ATP2C2: variants seen among roughly 807,000 people sequenced by gnomAD.
ATP2C2 encodes calcium-transporting ATPase type 2C member 2.
Under a neutral mutation model 110.8 loss-of-function variants are expected in ATP2C2, and 171 were observed. That is an observed-to-expected ratio of 1.54 (90% CI 1.36 to 1.75). The LOEUF is 1.75. ATP2C2 is among the 40% of genes most tolerant of loss of function. The pLI is 0.00. For synonymous variants in ATP2C2, 804 were observed against 508.4 expected (o/e 1.58, Z -7.82); for missense variants, 1,963 against 1,235.0 (o/e 1.59, Z -8.84).
At chr16:84,450,616 T>C (rs1488920161) in intron 17 of ATP2C2, among the ~76,000 whole-genome samples, 3 of 152,084 alleles carry the variant, frequency 2.0e-5, no homozygotes, top group African/African-American at 4.8e-5. Flanking sequence ...GCCAGCGTCA[T>C]TGGCGCAGTG....
chr16:84,411,594 A>G (rs984914163), intron 6 of ATP2C2, among the ~76,000 whole-genome samples: 3 of 152,000 alleles, frequency 2.0e-5, no homozygotes, highest in Admixed American at 1.3e-4. Flanking sequence ...GGCATGCACC[A>G]CTACACCTGG....
intron 1 of ATP2C2, among the ~76,000 whole-genome samples, chr16:84,387,247 T>C (rs1434995539): frequency 1.3e-5 from 2 of 152,104 alleles, no homozygotes; most frequent in Admixed American, 6.5e-5. Context: ...CTGGGCCAGG[T>C]GCGGTGGCTC....
chr16:84,452,043 T>C lies in ATP2C2; in HGVS notation c.1783T>C (p.Ser595Pro), dbSNP rs1180709971. 1.9e-6 allele frequency: 3 copies of C among 1,612,854 alleles called. No individual in the cohort carries two copies. The South Asian group carries it at 3.3e-5, about 18-fold the overall frequency. Residue 595 changes from serine (S) to proline (P), a missense_variant, in exon 18 of 27, where the codon TCT becomes CCT. Coordinates refer to ENST00000262429, the MANE Select transcript of ATP2C2 (RefSeq NM_014861.4). Reference sequence around the variant, plus strand: ...CCAGGTTCTCTCCGAGTCTGGTGTGTCTGTGAAGATGATAACGGGGGATGC... The same window carrying C: ...CCAGGTTCTCTCCGAGTCTGGTGTGCCTGTGAAGATGATAACGGGGGATGC... ...AVQVLSESGV[S>P]VKMITGDALE...
Position 84,425,802 on chromosome 16 carries a change from G to A in ATP2C2, c.986+1G>A. The A allele has an allele frequency of 1.2e-6, 2 of 1,614,104 alleles. No individual in the cohort carries two copies. The highest frequency in any genetic ancestry group is 1.7e-6 in the Non-Finnish European group (2 of 1,179,996). ...TGAGTATGTTCACGATCGGGGTCAG[G>A]TAAGAGTGCTATGGCCGCCCCTTGC... On this transcript the variant is annotated splice_donor_variant, in intron 11 of 26. Transcript: ENST00000262429. LOFTEE classifies it high-confidence loss of function.
At position 84,412,793 on chromosome 16, in the gene ATP2C2, G is replaced by A. The variant is rs919896667; in HGVS notation, c.515+2028G>A. Reference sequence around the variant, plus strand: ...CCGAACATACCTGGCTGCTCAAAGTGATAGAAGGTATCCTGTGATCAGCCG... The same window carrying A: ...CCGAACATACCTGGCTGCTCAAAGTAATAGAAGGTATCCTGTGATCAGCCG... On this transcript the variant is annotated intron_variant, in intron 6 of 26. Transcript: ENST00000262429. Among the ~76,000 whole-genome samples the A allele has an allele frequency of 2.6e-5, 4 of 152,084 alleles. No individual in the cohort carries two copies. In the South Asian group the frequency reaches 8.3e-4, roughly 32 times the overall value.
chr16:84,413,063 A>G (rs1906520891), intron 6 of ATP2C2, among the ~76,000 whole-genome samples: 1 of 149,198 alleles, frequency 6.7e-6, no homozygotes, highest in Admixed American at 6.8e-5. Flanking sequence ...GCTCCATTGT[A>G]CTCCAGCCTG....
intron 10 of ATP2C2, 108 bp downstream of exon 10, chr16:84,423,371 G>A (rs2150546274): frequency 9.4e-7 from 1 of 1,060,884 alleles, no homozygotes; most frequent in African/African-American, 1.6e-5. Context: ...AGCTGCATAA[G>A]GCTTGGGGAT....
At chr16:84,393,516 G>A (rs923936563) in intron 1 of ATP2C2, among the ~76,000 whole-genome samples, 1 of 152,168 alleles carries the variant, frequency 6.6e-6, no homozygotes, top group Non-Finnish European at 1.5e-5. Flanking sequence ...GGCTGAAGTC[G>A]GTTGAGAAGT....
rs368560222 is a variant in ATP2C2 at position 84,452,077 on chromosome 16, C to A, written c.1817C>A (p.Thr606Lys). ...VKMITGDALETALAIGRNIGL... is the reference protein window; with the variant it reads ...VKMITGDALEKALAIGRNIGL... ...ATGATAACGGGGGATGCCCTGGAGA[C>A]GGCCTTGGCCATAGGTAACTGGGAC... Residue 606 changes from threonine (T) to lysine (K), a missense_variant, in exon 18 of 27, where the codon ACG (threonine) becomes AAG (lysine). By Grantham distance (78) the Thr-to-Lys change is moderately conservative (BLOSUM62 -1). Coordinates refer to ENST00000262429, the MANE Select transcript of ATP2C2 (RefSeq NM_014861.4). The A allele has an allele frequency of 6.2e-7, 1 of 1,613,906 alleles. No individual in the cohort carries two copies. The highest frequency in any genetic ancestry group is 8.5e-7 in the Non-Finnish European group (1 of 1,179,994).
rs777410778 is a variant in ATP2C2 at position 84,462,000 on chromosome 16, T to A, written c.2593T>A (p.Phe865Ile). Reference protein sequence around the residue: ...LTCRSQTKLIFEIGFLRNHMF... With the variant: ...LTCRSQTKLIIEIGFLRNHMF... ...CTTCTCCCTGCAGACCAAGCTGATA[T>A]TTGAGATCGGCTTTCTCAGGAACCA... The change falls in exon 26 of 27, where the codon TTT (phenylalanine) becomes ATT (isoleucine). Residue 865 changes from phenylalanine to isoleucine, a missense_variant. Physicochemically the swap from Phe to Ile is conservative, Grantham distance 21. Coordinates refer to ENST00000262429, the MANE Select transcript of ATP2C2 (RefSeq NM_014861.4). The A allele has an allele frequency of 1.4e-5, 23 of 1,613,632 alleles. 1 individual carries two copies. The South Asian group carries it at 2.5e-4, about 18-fold the overall frequency.
At chr16:84,413,683 C>T (rs1446908341) in intron 6 of ATP2C2, among the ~76,000 whole-genome samples, 1 of 152,130 alleles carries the variant, frequency 6.6e-6, no homozygotes, top group African/African-American at 2.4e-5. Context: ...TGTACAAAAG[C>T]AGCGGTGTCG....
chr16:84,448,418 C>T, intron 16 of ATP2C2, 115 bp from the exon 17 acceptor site: 1 of 1,302,326 alleles, frequency 7.7e-7, no homozygotes. Flanking sequence ...TGATAAATAA[C>T]TCCGCTGCAA....
intron 24 of ATP2C2, chr16:84,461,090 C>A (rs954842577): frequency 4.8e-6 from 2 of 420,870 alleles, no homozygotes; most frequent in Non-Finnish European, 8.5e-6. Context: ...AGGCTGCCCC[C>A]TGTTCCCTTG....
chr16:84,446,308 T>A, intron 15 of ATP2C2, 21 bp from the exon 16 acceptor site: 1 of 1,473,606 alleles, frequency 6.8e-7, no homozygotes, highest in Non-Finnish European at 9.3e-7. Flanking sequence ...TCACTAAAAA[T>A]GTGTCATTTT....
At position 84,422,466 on chromosome 16, in the gene ATP2C2, C is replaced by T. The variant is rs974321077; in HGVS notation, c.701C>T (p.Thr234Ile). 3 of 1,614,168 alleles carry T rather than the reference C, an allele frequency of 1.9e-6. No individual in the cohort carries two copies. Among genetic ancestry groups the T allele is most frequent in the Non-Finnish European group, 1.7e-6 (2 of 1,180,034 alleles). The change falls in exon 8 of 27, where the codon ACA (threonine) becomes ATA (isoleucine). Residue 234 changes from threonine (T) to isoleucine (I), a missense_variant. By Grantham distance (89) the Thr-to-Ile change is moderately conservative (BLOSUM62 -1). Transcript: ENST00000262429. ...EPCSKTDSPL[T>I]GGGDLTTLSN... is the part of the protein sequence containing the mutation. ...TGTAGTAAAACAGACAGCCCCTTGA[C>T]AGGCGGTGGGGACCTCACCACCCTC...
At chr16:84,459,771 GAC>G in intron 23 of ATP2C2, 2 of 581,916 alleles carry the variant, frequency 3.4e-6, no homozygotes, top group Non-Finnish European at 3.0e-6. Context: ...GATACACACA[GAC>G]ACACTTTTCC....
chr16:84,397,282 C>A (rs1311344317), intron 1 of ATP2C2, among the ~76,000 whole-genome samples: 4 of 151,666 alleles, frequency 2.6e-5, no homozygotes, highest in Non-Finnish European at 5.9e-5. Context: ...GTTTCCCCTC[C>A]CCTTTTCTTT....
rs555854331 is a variant in ATP2C2 at position 84,442,609 on chromosome 16, C to G, written c.1401+10C>G. On this transcript the variant is annotated intron_variant, in intron 15 of 26. Transcript: ENST00000262429. ...GGCCCTGGCGATGAAGGTAGGAGGT[C>G]CTGGGGTGGCTCTGCGGGGAATTCT... 9 of 1,613,022 alleles carry G rather than the reference C, an allele frequency of 5.6e-6. No homozygotes were observed. The highest frequency in any genetic ancestry group is 2.7e-5 in the African/African-American group (2 of 74,940).
chr16:84,451,157 A>T (rs774907570), intron 17 of ATP2C2, among the ~76,000 whole-genome samples: 6 of 152,148 alleles, frequency 3.9e-5, no homozygotes, highest in Non-Finnish European at 7.4e-5. Flanking sequence ...CTTACATGGC[A>T]GCCGGCAAGA....
Sources: allele counts gnomAD v4.1 joint callset (sites outside exome capture counted in the v4.1 genomes callset), GRCh38; gene constraint gnomAD v4.1.1; transcripts MANE v1.5; gene names NCBI Gene and HGNC (gene_info 2026-07-23, HGNC 2026-07-21).